The following MAT2B variants were observed in gnomAD, a reference collection of about 807,000 sequenced individuals.
MAT2B encodes methionine adenosyltransferase 2 non-catalytic beta subunit, also known as methionine adenosyltransferase 2 subunit beta.
Under a neutral mutation model 36.1 loss-of-function variants are expected in MAT2B, and 16 were observed. That is an observed-to-expected ratio of 0.44 (90% CI 0.30 to 0.67). The LOEUF (loss-of-function observed/expected upper bound fraction) is 0.67. MAT2B is among the 30% of genes least tolerant of loss of function. The pLI is 0.09. For missense variants in MAT2B, 332 were observed against 398.2 expected, an observed-to-expected ratio of 0.83 and a Z score of 1.42; for synonymous variants, 148 against 136.9, an observed-to-expected ratio of 1.08 and a Z score of -0.57.
chr5:163,508,684 C>T (rs894135926), intron 1 of MAT2B, among the ~76,000 whole-genome samples: 2 of 151,734 alleles, frequency 1.3e-5, no homozygotes, highest in East Asian at 3.9e-4. Context: ...GTTGTGCGAT[C>T]TCGGCTCACT....
chr5:163,513,866 A>T lies in MAT2B; in HGVS notation c.398A>T (p.Tyr133Phe). The T allele has an allele frequency of 6.2e-7, 1 of 1,612,282 alleles. No homozygotes were observed. Among genetic ancestry groups the T allele is most frequent in the Admixed American group, 1.7e-5 (1 of 59,700 alleles). The change falls in exon 4 of 7, where the codon TAC (tyrosine) becomes TTC (phenylalanine). Residue 133 changes from tyrosine (Y) to phenylalanine (F), a missense_variant. Physicochemically the swap from Tyr to Phe is conservative, Grantham distance 22. Coordinates refer to ENST00000321757, the MANE Select transcript of MAT2B (RefSeq NM_013283.5). ...EAAAVGAFLI[Y>F]ISSDYVFDGT... ...GCTGCTGTTGGAGCATTTCTCATCT[A>T]CATTAGCTCAGATTATGTATTTGAT...
At chr5:163,514,620 T>TTC (rs397694708) in intron 4 of MAT2B, among the ~76,000 whole-genome samples, 2 of 152,008 alleles carry the variant, frequency 1.3e-5, no homozygotes, top group Non-Finnish European at 2.9e-5. Context: ...CTGTTTTTTT[T>TTC]CCCTCAACAT....
intron 1 of MAT2B, among the ~76,000 whole-genome samples, chr5:163,509,587 C>T (rs184812847): frequency 1.0e-3 from 157 of 152,320 alleles, no homozygotes; most frequent in African/African-American, 3.2e-3. Context: ...GAACTGTTAC[C>T]TGTTCCTTTG....
chr5:163,513,973 G>A lies in MAT2B; in HGVS notation c.505G>A (p.Ala169Thr). The change falls in exon 4 of 7, where the codon GCT (alanine) becomes ACT (threonine). Residue 169 changes from alanine to threonine, a missense_variant. By Grantham distance (58) the Ala-to-Thr change is moderately conservative. Transcript: ENST00000321757. ...CAAAACAAAATTAGATGGAGAAAAGGCTGTCCTGGAGAACAATCTAGGTAA... is the reference window on the plus strand; with the variant it reads ...CAAAACAAAATTAGATGGAGAAAAGACTGTCCTGGAGAACAATCTAGGTAA... The part of the protein sequence containing the change: ...YGKTKLDGEK[A>T]VLENNLGAAV... 6.2e-7 allele frequency: 1 copy of A among 1,613,288 alleles called. No homozygotes were observed. The highest frequency in any genetic ancestry group is 1.3e-5 in the African/African-American group (1 of 74,998).
intron 1 of MAT2B, among the ~76,000 whole-genome samples, chr5:163,507,984 C>T (rs1330016942): frequency 6.6e-6 from 1 of 152,116 alleles, no homozygotes; most frequent in East Asian, 1.9e-4. Flanking sequence ...CCCCATTTAC[C>T]AATGAGGAAT....
At chr5:163,512,917 G>A (rs1460455300) in intron 2 of MAT2B, 20 of 267,868 alleles carry the variant, frequency 7.5e-5, no homozygotes, top group Non-Finnish European at 5.2e-5. Context: ...CTGACCTCAC[G>A]TGATCCACCC....
rs1161791096 is a variant in MAT2B at position 163,517,967 on chromosome 5, A to G, written c.835-226A>G. 2.0e-5 allele frequency: 10 copies of G among 507,782 alleles called. No homozygotes were observed. The South Asian group carries it at 2.0e-4, about 10-fold the overall frequency. 31.5% of individuals were successfully genotyped at this position (507,782 alleles called of 1,614,324 possible). On this transcript the variant is annotated intron_variant, in intron 6 of 6. Transcript: ENST00000321757. The stretch of plus-strand genomic sequence containing the variant: ...AATAAGTAGCAAATATAAAACCTCA[A>G]AATGGCCAGGCACAATGGCTCATGC...
chr5:163,513,832 T>G lies in MAT2B; in HGVS notation c.374-10T>G, dbSNP rs1410124852. The G allele has an allele frequency of 6.2e-7, 1 of 1,602,438 alleles. No homozygotes were observed. Among genetic ancestry groups the G allele is most frequent in the Admixed American group, 1.7e-5 (1 of 57,450 alleles). On this transcript the variant is annotated splice_polypyrimidine_tract_variant and intron_variant, in intron 3 of 6. Transcript: ENST00000321757. ...TAAACATTTAATAGATTTGTCTTCT[T>G]TTTTTGTAGCTGCTGTTGGAGCATT...
intron 1 of MAT2B, 138 bp downstream of exon 1, chr5:163,505,887 C>A: frequency 1.7e-6 from 1 of 580,546 alleles, no homozygotes; most frequent in Non-Finnish European, 2.6e-6. Context: ...CGCCACCCTC[C>A]CAGCCCCGGA....
At chr5:163,505,886 C>T in intron 1 of MAT2B, 137 bp downstream of exon 1, 3 of 584,092 alleles carry the variant, frequency 5.1e-6, no homozygotes, top group South Asian at 9.0e-5. Flanking sequence ...CCGCCACCCT[C>T]CCAGCCCCGG....
intron 1 of MAT2B, among the ~76,000 whole-genome samples, chr5:163,510,188 AT>A (rs1297219942): frequency 1.4e-4 from 22 of 152,310 alleles, no homozygotes; most frequent in African/African-American, 4.8e-4. Context: ...AGTTGACTTT[AT>A]TCAAGATCCT....
chr5:163,505,567 G>C (rs1316459250), upstream of MAT2B: 1 of 1,245,894 alleles, frequency 8.0e-7, no homozygotes, highest in African/African-American at 1.6e-5. Flanking sequence ...GCCGGAAGCG[G>C]CGAGCGGGGT....
chr5:163,508,392 C>T (rs1487518573), intron 1 of MAT2B, among the ~76,000 whole-genome samples: 1 of 150,532 alleles, frequency 6.6e-6, no homozygotes, highest in East Asian at 2.0e-4. Flanking sequence ...CGCCCACCAC[C>T]ATGCCCGACT....
At chr5:163,511,106 G>C (rs910738733) in intron 1 of MAT2B, among the ~76,000 whole-genome samples, 5 of 152,028 alleles carry the variant, frequency 3.3e-5, no homozygotes, top group Admixed American at 6.6e-5. Context: ...TAGGTACTTG[G>C]AGCAAAAGTA....
chr5:163,503,584 G>A (rs575563372), upstream of MAT2B, among the ~76,000 whole-genome samples: 30 of 152,302 alleles, frequency 2.0e-4, no homozygotes, highest in African/African-American at 7.2e-4. Context: ...GGAAGAATAA[G>A]CCAACTTTAG....
chr5:163,513,786 C>T, intron 3 of MAT2B, 56 bp from the exon 4 acceptor site: 2 of 1,546,398 alleles, frequency 1.3e-6, no homozygotes, highest in Non-Finnish European at 1.8e-6. Flanking sequence ...ATTCTAAATT[C>T]CATGAAAGAG....
rs1250118431 is a variant in MAT2B, at chr5:163,516,686, G to A, written c.695G>A (p.Arg232Gln). ...THVKDVATVCRQLAEKRMLDP... is the reference protein window; with the variant it reads ...THVKDVATVCQQLAEKRMLDP... ...GTCAAAGATGTGGCCACTGTGTGCC[G>A]GCAGCTAGCAGAGAAGAGAATGCTG... The change falls in exon 5 of 7, where the codon CGG becomes CAG. Residue 232 changes from arginine to glutamine, a missense_variant. Physicochemically the swap from Arg to Gln is conservative, Grantham distance 43. Coordinates refer to ENST00000321757, the MANE Select transcript of MAT2B (RefSeq NM_013283.5). 12 of 1,614,144 alleles carry A rather than the reference G, an allele frequency of 7.4e-6. No individual in the cohort carries two copies. The highest frequency in any genetic ancestry group is 1.3e-5 in the African/African-American group (1 of 75,016).
chr5:163,515,691 A>G (rs1760118987), intron 4 of MAT2B, among the ~76,000 whole-genome samples: 1 of 151,088 alleles, frequency 6.6e-6, no homozygotes, highest in African/African-American at 2.4e-5. Flanking sequence ...TAATGATCAT[A>G]TTAATGTAGG....
chr5:163,506,413 A>G (rs1759938777), intron 1 of MAT2B, among the ~76,000 whole-genome samples: 1 of 152,128 alleles, frequency 6.6e-6, no homozygotes, highest in African/African-American at 2.4e-5. Flanking sequence ...GATTATGGTG[A>G]TGATTGGAAG....
Sources: gnomAD v4.1 joint callset for allele counts (sites outside exome capture counted in the v4.1 genomes callset) on GRCh38, gnomAD v4.1.1 for gene constraint, MANE v1.5 for transcripts, NCBI Gene and HGNC (gene_info 2026-07-23, HGNC 2026-07-21) for gene names.